The following SCN9A variants were observed in gnomAD, a reference collection of about 807,000 sequenced individuals.
SCN9A encodes sodium channel protein type 9 subunit alpha.
SCN9A carries 131 observed loss-of-function variants against 187.0 expected under a neutral mutation model. The ratio of observed to expected loss-of-function variants is 0.70; its 90% CI spans 0.61 to 0.81. The LOEUF (loss-of-function observed/expected upper bound fraction) is 0.81. Among genes scored for constraint, SCN9A ranks in the 30% least tolerant of loss-of-function variants. The probability of loss-of-function intolerance (pLI) is 0.00; values close to 1 mark genes in which losing one functional copy is unlikely to be tolerated. For synonymous variants in SCN9A, 809 were observed against 808.6 expected, an observed-to-expected ratio of 1.00 and a Z score of -0.01; for missense variants, 2,252 against 2,396.6, an observed-to-expected ratio of 0.94 and a Z score of 1.26.
chr2:166,347,194 G>C (rs13417859), intron 1 of SCN9A, among the ~76,000 whole-genome samples: 2 of 152,108 alleles, frequency 1.3e-5, no homozygotes, highest in Non-Finnish European at 2.9e-5. Flanking sequence ...CACTCTTGCC[G>C]TCTTTATAGC....
chr2:166,198,578 A>G lies in SCN9A; in HGVS notation c.*94T>C, dbSNP rs910261905. ...GCACTGCCTTCGAGAATATTTTGAT[A>G]AAAAGGATTTTGGCATAGACTTCCT... On this transcript the variant is annotated 3_prime_UTR_variant, in exon 27 of 27. Transcript: ENST00000642356. 2.1e-6 allele frequency: 2 copies of G among 959,068 alleles called. No homozygotes were observed. Among genetic ancestry groups the G allele is most frequent in the Non-Finnish European group, 1.5e-6 (1 of 659,600 alleles). 59.4% of individuals were successfully genotyped at this position (959,068 alleles called of 1,614,324 possible). A position where few individuals can be genotyped will look rare whatever the true frequency, so the allele number is the denominator to read the frequency against.
chr2:166,214,686 T>C (rs1412053100), intron 24 of SCN9A, among the ~76,000 whole-genome samples: 1 of 150,790 alleles, frequency 6.6e-6, no homozygotes, highest in Non-Finnish European at 1.5e-5. Flanking sequence ...GGCTAATTTT[T>C]TGTATTTTTA....
chr2:166,335,708 G>C (rs939550016), intron 1 of SCN9A, among the ~76,000 whole-genome samples: 7 of 152,070 alleles, frequency 4.6e-5, no homozygotes, highest in Non-Finnish European at 1.0e-4. Context: ...GGCAGTTATT[G>C]ACTGGTTTAT....
intron 1 of SCN9A, among the ~76,000 whole-genome samples, chr2:166,362,892 G>A (rs1334126725): frequency 1.3e-5 from 2 of 151,844 alleles, no homozygotes; most frequent in Non-Finnish European, 2.9e-5. Flanking sequence ...GAATTGACCT[G>A]TTCATTTTTT....
chr2:166,339,872 A>T (rs896865953), intron 1 of SCN9A, among the ~76,000 whole-genome samples: 2 of 152,190 alleles, frequency 1.3e-5, no homozygotes, highest in African/African-American at 2.4e-5. Flanking sequence ...ATTTAATTCT[A>T]CTATCTAGAG....
At position 166,323,512 on chromosome 2, in the gene SCN9A, A is replaced by C. The variant is rs562558634; in HGVS notation, c.-50-11706T>G. On this transcript the variant is annotated intron_variant, in intron 1 of 26. Coordinates refer to ENST00000642356, the MANE Select transcript of SCN9A (RefSeq NM_001365536.1). ...TCACAGTAAAAATTGTAAATCCTCT[A>C]AAAAATCACTGAAGTAAACACCAAC... Among the ~76,000 whole-genome samples, 4 of 151,164 alleles carry C rather than the reference A, an allele frequency of 2.6e-5. No individual in the cohort carries two copies. The South Asian group carries it at 8.5e-4, about 32-fold the overall frequency.
chr2:166,224,665 C>G, intron 24 of SCN9A, among the ~76,000 whole-genome samples: 1 of 152,080 alleles, frequency 6.6e-6, no homozygotes, highest in African/African-American at 2.4e-5. Flanking sequence ...TTCCTATTCT[C>G]CATTGACACA....
intron 20 of SCN9A, 143 bp downstream of exon 20, chr2:166,237,951 T>C (rs1054041551): frequency 3.6e-6 from 2 of 556,288 alleles, no homozygotes; most frequent in Admixed American, 7.2e-5. Context: ...TGTGTTAATA[T>C]TTCTAAAAGA....
intron 9 of SCN9A, among the ~76,000 whole-genome samples, chr2:166,292,059 A>G (rs1194281911): frequency 1.3e-5 from 2 of 152,212 alleles, no homozygotes; most frequent in African/African-American, 4.8e-5. Flanking sequence ...ACCAAAGCCA[A>G]AATTGACAAA....
Position 166,227,691 on chromosome 2 carries a change from A to G in SCN9A, c.4239T>C (p.Tyr1413=), listed in dbSNP as rs201750078. The change falls in exon 23 of 27, where the codon TAT becomes TAC. Residue 1413 remains tyrosine (Y), a synonymous_variant. Transcript: ENST00000642356. ...ATFKGWTIIM[Y]AAVDSVNVDK... The stretch of plus-strand genomic sequence containing the variant: ...TTACATTAACAGAATCCACTGCTGC[A>G]TACATAATAATCGTCCATCCCTTAA... 4 of 1,524,006 alleles carry G rather than the reference A, an allele frequency of 2.6e-6. No homozygotes were observed. Among genetic ancestry groups the G allele is most frequent in the Middle Eastern group, 1.7e-4 (1 of 5,964 alleles). The allele number at this position is 1,524,006 out of a possible 1,614,324, so 94.4% of individuals were successfully genotyped here. A position where few individuals can be genotyped will look rare whatever the true frequency, so the allele number is the denominator to read the frequency against.
chr2:166,326,177 T>TA (rs1264904052), intron 1 of SCN9A, among the ~76,000 whole-genome samples: 1 of 152,030 alleles, frequency 6.6e-6, no homozygotes, highest in Non-Finnish European at 1.5e-5. Flanking sequence ...ATCAAGATAA[T>TA]AAAAATTCTA....
chr2:166,233,687 A>C (rs1467972927), intron 20 of SCN9A, among the ~76,000 whole-genome samples: 1 of 152,082 alleles, frequency 6.6e-6, no homozygotes, highest in East Asian at 1.9e-4. Flanking sequence ...AAGCAAAGTA[A>C]GTTGTTTATT....
chr2:166,290,083 C>G (rs1001209369), intron 9 of SCN9A, among the ~76,000 whole-genome samples: 1 of 150,368 alleles, frequency 6.7e-6, no homozygotes, highest in African/African-American at 2.4e-5. Flanking sequence ...CACCCCCCAA[C>G]AGGCCCCGGT....
At chr2:166,263,827 T>C (rs2106445310) in intron 17 of SCN9A, among the ~76,000 whole-genome samples, 1 of 151,910 alleles carries the variant, frequency 6.6e-6, no homozygotes, top group African/African-American at 2.4e-5. Flanking sequence ...GGCCAGAGAT[T>C]GGGATGATGC....
intron 1 of SCN9A, among the ~76,000 whole-genome samples, chr2:166,330,569 C>G (rs764349631): frequency 6.6e-6 from 1 of 152,142 alleles, no homozygotes; most frequent in Non-Finnish European, 1.5e-5. Context: ...AGTGATAACA[C>G]CTGGCAATCC....
intron 1 of SCN9A, among the ~76,000 whole-genome samples, chr2:166,370,735 T>C (rs1700542055): frequency 6.6e-6 from 1 of 151,746 alleles, no homozygotes; most frequent in African/African-American, 2.4e-5. Context: ...TTTGTACTAA[T>C]AGTTTGACCT....
chr2:166,329,172 G>A (rs1699436989), intron 1 of SCN9A, among the ~76,000 whole-genome samples: 1 of 151,930 alleles, frequency 6.6e-6, no homozygotes, highest in Non-Finnish European at 1.5e-5. Flanking sequence ...ATAATAACTT[G>A]CTAGCACAAT....
At position 166,266,097 on chromosome 2, in the gene SCN9A, T is replaced by C. The variant is rs75918627; in HGVS notation, c.3351+6302A>G. ...TCCAATTTGTCTATATTTGCTTTTG[T>C]TGCCTGTGCTTTTTAGGTTTTATCC... On this transcript the variant is annotated intron_variant, in intron 17 of 26. Coordinates refer to ENST00000642356, the MANE Select transcript of SCN9A (RefSeq NM_001365536.1). 8.5e-4 allele frequency among the ~76,000 whole-genome samples: 130 copies of C among 152,128 alleles called. 1 individual carries two copies. The highest frequency in any genetic ancestry group is 7.3e-3 in the South Asian group (35 of 4,816).
chr2:166,254,953 A>T (rs1385033950), intron 17 of SCN9A, among the ~76,000 whole-genome samples: 2 of 151,486 alleles, frequency 1.3e-5, no homozygotes, highest in African/African-American at 4.8e-5. Flanking sequence ...GAATAATATG[A>T]TATTGACTGT....
Sources: allele counts gnomAD v4.1 joint callset (sites outside exome capture counted in the v4.1 genomes callset), GRCh38; gene constraint gnomAD v4.1.1; transcripts MANE v1.5; gene names NCBI Gene and HGNC (gene_info 2026-07-23, HGNC 2026-07-21).